Variants in PEPD observed in about 807,000 individuals in gnomAD.
The protein encoded by PEPD is peptidase D.
A neutral mutation model predicts 60.7 loss-of-function variants in PEPD; 53 were observed. That is an observed-to-expected ratio of 0.87 (90% CI 0.70 to 1.10). The LOEUF is 1.10. PEPD is among the 50% of genes least tolerant of loss of function. The pLI is 0.00. For missense variants in PEPD, 711 were observed against 711.9 expected, an observed-to-expected ratio of 1.00 and a Z score of 0.01; for synonymous variants, 267 against 284.1, an observed-to-expected ratio of 0.94 and a Z score of 0.60.
At chr19:33,413,469 AG>A (rs1431279463) in intron 10 of PEPD, 105 bp downstream of exon 10, 5 of 717,912 alleles carry the variant, frequency 7.0e-6, no homozygotes, top group Non-Finnish European at 1.3e-5. Context: ...TGGGCGTGTG[AG>A]TGAGCAAGTG....
At chr19:33,468,754 C>A (rs929882958) in intron 7 of PEPD, among the ~76,000 whole-genome samples, 1 of 152,198 alleles carries the variant, frequency 6.6e-6, no homozygotes, top group African/African-American at 2.4e-5. Flanking sequence ...AAAAAACAAA[C>A]CCACAAGCCC....
chr19:33,484,392 G>A (rs941687912), intron 6 of PEPD, among the ~76,000 whole-genome samples: 6 of 152,154 alleles, frequency 3.9e-5, no homozygotes, highest in Admixed American at 2.0e-4. Context: ...ATGCACACAA[G>A]CAGCAAAGTG....
chr19:33,451,138 G>A (rs1969691154), intron 9 of PEPD, among the ~76,000 whole-genome samples: 1 of 152,198 alleles, frequency 6.6e-6, no homozygotes, highest in African/African-American at 2.4e-5. Flanking sequence ...CACAATGCCT[G>A]AACTGTAACA....
intron 9 of PEPD, among the ~76,000 whole-genome samples, chr19:33,442,165 G>A (rs527340624): frequency 3.3e-5 from 5 of 152,326 alleles, no homozygotes; most frequent in East Asian, 1.9e-4. Context: ...TTAGGAGGCC[G>A]AGGTGGGTGG....
intron 3 of PEPD, among the ~76,000 whole-genome samples, chr19:33,502,236 C>A (rs552704101): frequency 6.6e-6 from 1 of 152,212 alleles, no homozygotes; most frequent in Admixed American, 6.5e-5. Context: ...CCTCATCACA[C>A]GGGCTCTATC....
chr19:33,519,598 A>C (rs1408742537), intron 1 of PEPD, among the ~76,000 whole-genome samples: 1 of 152,220 alleles, frequency 6.6e-6, no homozygotes, highest in Non-Finnish European at 1.5e-5. Flanking sequence ...CCTCAGGCTC[A>C]AAGTACATGG....
intron 4 of PEPD, 35 bp downstream of exon 4, chr19:33,500,903 C>A: frequency 7.9e-7 from 1 of 1,268,152 alleles, no homozygotes; most frequent in Non-Finnish European, 1.2e-6. Context: ...ATGCTGGAAG[C>A]CCTGGGCTGC....
chr19:33,486,619 C>G (rs1485319231), intron 6 of PEPD, among the ~76,000 whole-genome samples: 2 of 152,146 alleles, frequency 1.3e-5, no homozygotes, highest in Non-Finnish European at 2.9e-5. Context: ...CTCGAGACCC[C>G]ACACACTCTT....
chr19:33,388,067 G>A lies in PEPD; in HGVS notation c.1167C>T (p.Ile389=), dbSNP rs560163536. The change falls in exon 14 of 15, where the codon ATC becomes ATT. Residue 389 remains isoleucine, a synonymous_variant. Coordinates refer to ENST00000244137, the MANE Select transcript of PEPD (RefSeq NM_000285.4). ...GCAGGCTCCGCAGGCCGGGCTCGTC[G>A]ATGCGCTCCACGCCCTGTGGGGAAC... ...VGGYPEGVER[I]DEPGLRSLRT... is the part of the protein sequence containing the mutation. The A allele has an allele frequency of 3.2e-6, 5 of 1,550,012 alleles. No individual in the cohort carries two copies. The highest frequency in any genetic ancestry group is 2.4e-5 in the East Asian group (1 of 41,264).
intron 9 of PEPD, among the ~76,000 whole-genome samples, chr19:33,443,644 C>G (rs1969527895): frequency 6.6e-6 from 1 of 151,108 alleles, no homozygotes. Flanking sequence ...TTTGAAAACC[C>G]AAATAAAGAA....
chr19:33,462,458 A>C (rs1739741115), intron 9 of PEPD, among the ~76,000 whole-genome samples: 2 of 152,116 alleles, frequency 1.3e-5, no homozygotes, highest in African/African-American at 4.8e-5. Context: ...TGGGTCCTGG[A>C]GCGGGGCTGA....
chr19:33,474,134 C>G (rs1970175122), intron 7 of PEPD, among the ~76,000 whole-genome samples: 1 of 152,182 alleles, frequency 6.6e-6, no homozygotes, highest in Admixed American at 6.5e-5. Flanking sequence ...TACCCTGGCC[C>G]CAGCACAAGA....
chr19:33,478,129 G>C lies in PEPD; in HGVS notation c.504-39C>G, dbSNP rs774874484. 5.7e-6 allele frequency: 8 copies of C among 1,408,590 alleles called. No individual in the cohort carries two copies. In the Admixed American group the frequency reaches 1.1e-4, roughly 19 times the overall value. The allele number at this position is 1,408,590 out of a possible 1,614,324, so 87.3% of individuals were successfully genotyped here. A position where few individuals can be genotyped will look rare whatever the true frequency, so the allele number is the denominator to read the frequency against. The stretch of plus-strand genomic sequence containing the variant: ...AGAAATCAAGCCCATTAATCCAACG[G>C]TCTGTCATGTCCCAGCAAGAACTAC... On this transcript the variant is annotated intron_variant, in intron 6 of 14. Transcript: ENST00000244137.
intron 9 of PEPD, among the ~76,000 whole-genome samples, chr19:33,445,806 G>A (rs182042353): frequency 2.0e-5 from 3 of 152,310 alleles, no homozygotes; most frequent in Admixed American, 2.0e-4. Flanking sequence ...CCTGAGCTCT[G>A]AACTCGAGTC....
intron 12 of PEPD, among the ~76,000 whole-genome samples, chr19:33,391,979 C>T (rs1369807940): frequency 6.6e-6 from 1 of 152,204 alleles, no homozygotes; most frequent in Non-Finnish European, 1.5e-5. Flanking sequence ...TGGGGAAGCC[C>T]GAGGCTGAAA....
chr19:33,475,225 C>T (rs962627085), intron 7 of PEPD, among the ~76,000 whole-genome samples: 6 of 151,942 alleles, frequency 3.9e-5, no homozygotes, highest in Admixed American at 2.6e-4. Context: ...TTCCTGTTAT[C>T]CCCATAACCC....
At chr19:33,463,962 C>A (rs1394881008) in intron 8 of PEPD, 25 bp downstream of exon 8, 1 of 1,540,162 alleles carries the variant, frequency 6.5e-7, no homozygotes, top group Admixed American at 1.7e-5. Flanking sequence ...TTTCCCCACT[C>A]AACCAGAGCC....
intron 7 of PEPD, among the ~76,000 whole-genome samples, chr19:33,474,448 T>G (rs763631437): frequency 1.3e-5 from 2 of 152,260 alleles, no homozygotes; most frequent in South Asian, 4.1e-4. Flanking sequence ...ACACATGGAG[T>G]CTCAACAGGT....
intron 9 of PEPD, among the ~76,000 whole-genome samples, chr19:33,448,609 G>A (rs755256376): frequency 6.6e-6 from 1 of 151,924 alleles, no homozygotes; most frequent in Non-Finnish European, 1.5e-5. Context: ...TTTTGATAGA[G>A]ATGCTGGTAT....
Sources: gnomAD v4.1 joint callset for allele counts (sites outside exome capture counted in the v4.1 genomes callset) on GRCh38, gnomAD v4.1.1 for gene constraint, MANE v1.5 for transcripts, NCBI Gene and HGNC (gene_info 2026-07-23, HGNC 2026-07-21) for gene names.